NIPA2: variants seen among roughly 807,000 people sequenced by gnomAD.
NIPA2 encodes NIPA magnesium transporter 2, also known as magnesium transporter NIPA2.
In NIPA2, 11 loss-of-function variants were observed where a neutral mutation model predicts 29.7. The observed-to-expected ratio is 0.37, with a 90% CI of 0.23 to 0.61. The LOEUF is 0.61. Among genes scored for constraint, NIPA2 ranks in the 20% least tolerant of loss-of-function variants. NIPA2 has a pLI of 0.66. For synonymous variants in NIPA2, 183 were observed against 161.9 expected (o/e 1.13, Z -0.99); for missense variants, 426 against 437.9 (o/e 0.97, Z 0.24).
intron 5 of NIPA2, among the ~76,000 whole-genome samples, chr15:22,855,825 CTG>C (rs1377209411): frequency 2.6e-5 from 4 of 152,240 alleles, no homozygotes; most frequent in African/African-American, 9.6e-5. Context: ...CAGGAGGAAA[CTG>C]TAACTGTGAA....
At chr15:22,865,812 T>A (rs528313300) in intron 7 of NIPA2, among the ~76,000 whole-genome samples, 2 of 152,028 alleles carry the variant, frequency 1.3e-5, no homozygotes, top group South Asian at 2.1e-4. Context: ...GAAAACTTGA[T>A]GAAGAACTCT....
chr15:22,865,464 C>T (rs765375203), intron 7 of NIPA2, among the ~76,000 whole-genome samples: 4 of 150,350 alleles, frequency 2.7e-5, no homozygotes, highest in Admixed American at 1.3e-4. Context: ...CCAGCCTGGG[C>T]GACAGAGCAA....
intron 3 of NIPA2, among the ~76,000 whole-genome samples, chr15:22,845,613 A>C (rs373434516): frequency 1.6e-4 from 24 of 152,152 alleles, no homozygotes; most frequent in African/African-American, 4.6e-4. Context: ...GGCTGGAGTT[A>C]ATTGCAGAAG....
At chr15:22,857,791 C>T (rs1226448075) in intron 5 of NIPA2, among the ~76,000 whole-genome samples, 10 of 135,452 alleles carry the variant, frequency 7.4e-5, no homozygotes, top group Middle Eastern at 5.1e-3. Flanking sequence ...GAGCTGAGAT[C>T]GTGCCACTGC....
intron 6 of NIPA2, among the ~76,000 whole-genome samples, chr15:22,858,990 A>T (rs748116237): frequency 6.6e-6 from 1 of 152,118 alleles, no homozygotes; most frequent in Non-Finnish European, 1.5e-5. Flanking sequence ...CCAGCCTAAC[A>T]TGGTAAAACC....
At chr15:22,849,779 G>A (rs996010080) in intron 3 of NIPA2, among the ~76,000 whole-genome samples, 1 of 151,884 alleles carries the variant, frequency 6.6e-6, no homozygotes, top group African/African-American at 2.4e-5. Flanking sequence ...TAGCCAGGAT[G>A]ACTCGATCTC....
chr15:22,845,683 C>CAGG (rs1239338923), intron 3 of NIPA2, among the ~76,000 whole-genome samples: 1 of 151,758 alleles, frequency 6.6e-6, no homozygotes, highest in Admixed American at 6.6e-5. Flanking sequence ...CTTTGGGTTG[C>CAGG]AGGAGGAGGA....
At chr15:22,858,442 A>G in intron 5 of NIPA2, 98 bp from the exon 6 acceptor site, 1 of 616,130 alleles carries the variant, frequency 1.6e-6, no homozygotes, top group East Asian at 3.1e-5. Flanking sequence ...TACTAAATAC[A>G]GTTGAAATAA....
intron 7 of NIPA2, among the ~76,000 whole-genome samples, chr15:22,861,487 A>G (rs750195464): frequency 1.3e-5 from 2 of 152,194 alleles, no homozygotes; most frequent in Non-Finnish European, 2.9e-5. Flanking sequence ...TAGAGGAGAC[A>G]AGAAAGGGCA....
chr15:22,863,616 A>G (rs1424356420), intron 7 of NIPA2, among the ~76,000 whole-genome samples: 1 of 152,226 alleles, frequency 6.6e-6, no homozygotes, highest in Non-Finnish European at 1.5e-5. Flanking sequence ...GGAAATGCAC[A>G]CAGAAATTTG....
chr15:22,852,726 C>T (rs1385486306), intron 4 of NIPA2, among the ~76,000 whole-genome samples: 3 of 152,224 alleles, frequency 2.0e-5, no homozygotes, highest in East Asian at 1.9e-4. Flanking sequence ...CAGGGACACT[C>T]GTGGTAGCTC....
chr15:22,855,439 A>G (rs541145786), intron 5 of NIPA2, among the ~76,000 whole-genome samples: 1 of 152,062 alleles, frequency 6.6e-6, no homozygotes, highest in East Asian at 1.9e-4. Flanking sequence ...TATTCTGAAG[A>G]CACTGAGCCT....
intron 7 of NIPA2, among the ~76,000 whole-genome samples, chr15:22,864,518 ATG>A: frequency 1.3e-5 from 2 of 152,250 alleles, no homozygotes; most frequent in East Asian, 3.9e-4. Flanking sequence ...TTCCAGTTTC[ATG>A]GCTGGCTGTG....
chr15:22,853,461 C>T (rs1304940526), intron 5 of NIPA2, among the ~76,000 whole-genome samples, 193 bp downstream of exon 5: 1 of 151,178 alleles, frequency 6.6e-6, no homozygotes, highest in South Asian at 2.1e-4. Flanking sequence ...GCAACCTCCA[C>T]CTCCTGGATT....
Position 22,866,385 on chromosome 15 carries a change from T to C in NIPA2, c.621T>C (p.Phe207=). The part of the protein sequence containing the change: ...KGLGIAIKEL[F]AGKPVLRHPL... ...TGGGCATTGCTATCAAGGAGCTGTT[T>C]GCAGGGAAGCCTGTGCTGCGGCATC... Residue 207 remains phenylalanine (F), a synonymous_variant, in exon 8 of 8, where the codon TTT becomes TTC. Transcript: ENST00000337451. 6.2e-7 allele frequency: 1 copy of C among 1,614,118 alleles called. No homozygotes were observed.
At chr15:22,855,604 A>G (rs936220511) in intron 5 of NIPA2, among the ~76,000 whole-genome samples, 2 of 152,102 alleles carry the variant, frequency 1.3e-5, no homozygotes, top group Non-Finnish European at 2.9e-5. Context: ...AACAAGATAA[A>G]GAAGTTATGT....
chr15:22,860,979 G>C (rs1023545648), intron 7 of NIPA2, among the ~76,000 whole-genome samples, 190 bp downstream of exon 7: 3 of 152,108 alleles, frequency 2.0e-5, no homozygotes, highest in African/African-American at 7.2e-5. Context: ...CTCTGTGTTT[G>C]TAAGTAGTGT....
chr15:22,854,343 T>G (rs2058023378), intron 5 of NIPA2, among the ~76,000 whole-genome samples: 1 of 151,248 alleles, frequency 6.6e-6, no homozygotes, highest in Non-Finnish European at 1.5e-5. Context: ...CCCAGGATGG[T>G]CTCGATCTCC....
At chr15:22,857,066 C>CA (rs1310600822) in intron 5 of NIPA2, among the ~76,000 whole-genome samples, 3 of 151,690 alleles carry the variant, frequency 2.0e-5, no homozygotes, top group Non-Finnish European at 2.9e-5. Flanking sequence ...TCTTTTCCCT[C>CA]ACTGTTTTTC....
Sources: allele counts gnomAD v4.1 joint callset (sites outside exome capture counted in the v4.1 genomes callset), GRCh38; gene constraint gnomAD v4.1.1; transcripts MANE v1.5; gene names NCBI Gene and HGNC (gene_info 2026-07-23, HGNC 2026-07-21).